GULP1: variants seen among roughly 807,000 people sequenced by gnomAD.
GULP1 encodes the protein GULP PTB domain containing engulfment adaptor 1.
A neutral mutation model predicts 40.9 loss-of-function variants in GULP1; 19 were observed. The ratio of observed to expected loss-of-function variants is 0.46; its 90% CI spans 0.32 to 0.68. GULP1 has a LOEUF of 0.68. Among genes scored for constraint, GULP1 ranks in the 30% least tolerant of loss-of-function variants. The probability of loss-of-function intolerance (pLI) is 0.03; values close to 1 mark genes in which losing one functional copy is unlikely to be tolerated. For missense variants in GULP1, 312 were observed against 362.2 expected (o/e 0.86, Z 1.12); for synonymous variants, 119 against 117.6 (o/e 1.01, Z -0.08).
chr2:188,387,962 G>T (rs951211566), intron 2 of GULP1, among the ~76,000 whole-genome samples: 2 of 151,706 alleles, frequency 1.3e-5, no homozygotes, highest in Non-Finnish European at 2.9e-5. Flanking sequence ...CATGTGCCAT[G>T]CTGGTGTGCT....
chr2:188,559,267 C>T (rs1378859245), intron 7 of GULP1, among the ~76,000 whole-genome samples: 1 of 152,180 alleles, frequency 6.6e-6, no homozygotes, highest in East Asian at 1.9e-4. Context: ...TAAAATGGGC[C>T]AGGGTAGAGC....
At chr2:188,577,926 T>C (rs1700483348) in intron 9 of GULP1, among the ~76,000 whole-genome samples, 1 of 152,024 alleles carries the variant, frequency 6.6e-6, no homozygotes, top group Non-Finnish European at 1.5e-5. Flanking sequence ...TTCTCCATCT[T>C]TAATGTTATT....
chr2:188,423,775 G>C (rs978396107), intron 2 of GULP1, among the ~76,000 whole-genome samples: 4 of 151,680 alleles, frequency 2.6e-5, no homozygotes, highest in African/African-American at 9.7e-5. Flanking sequence ...AAATTAGATA[G>C]AATTGAATTG....
chr2:188,460,078 A>C (rs1351320421), intron 2 of GULP1, among the ~76,000 whole-genome samples: 1 of 152,132 alleles, frequency 6.6e-6, no homozygotes, highest in Non-Finnish European at 1.5e-5. Context: ...AGGTAATATG[A>C]TTCCTCCATT....
chr2:188,546,368 C>T (rs967375209), intron 7 of GULP1, among the ~76,000 whole-genome samples: 7 of 151,872 alleles, frequency 4.6e-5, no homozygotes, highest in Non-Finnish European at 7.4e-5. Flanking sequence ...AATTATTTAA[C>T]GTTTCTCTGA....
At chr2:188,530,944 A>G (rs906407451) in intron 6 of GULP1, among the ~76,000 whole-genome samples, 13 of 152,248 alleles carry the variant, frequency 8.5e-5, no homozygotes, top group African/African-American at 3.1e-4. Context: ...TGACAAATTA[A>G]TTCAGTATAA....
At chr2:188,586,365 C>G (rs755111746) in intron 10 of GULP1, among the ~76,000 whole-genome samples, 5 of 152,110 alleles carry the variant, frequency 3.3e-5, no homozygotes, top group Non-Finnish European at 5.9e-5. Flanking sequence ...CCAAATCTTC[C>G]CTTTCATTAA....
intron 11 of GULP1, chr2:188,589,645 G>T: frequency 1.8e-6 from 1 of 562,330 alleles, no homozygotes; most frequent in South Asian, 3.1e-5. Context: ...GAGTGATGGT[G>T]ACACTCAATG....
chr2:188,589,547 G>A, intron 11 of GULP1: 1 of 376,626 alleles, frequency 2.7e-6, no homozygotes, highest in East Asian at 4.0e-5. Flanking sequence ...TCCCAAAATT[G>A]GAAAAAAAAT....
intron 1 of GULP1, among the ~76,000 whole-genome samples, chr2:188,366,258 C>T (rs2152409093): frequency 6.6e-6 from 1 of 151,964 alleles, no homozygotes; most frequent in Non-Finnish European, 1.5e-5. Context: ...CCCCAAACAC[C>T]CCATAAAAAC....
chr2:188,504,798 TA>T (rs2063749936), intron 4 of GULP1, among the ~76,000 whole-genome samples: 1 of 151,888 alleles, frequency 6.6e-6, no homozygotes, highest in Admixed American at 6.6e-5. Context: ...CAGTGAATCA[TA>T]AGTTAACTGG....
intron 2 of GULP1, among the ~76,000 whole-genome samples, chr2:188,406,834 A>G (rs2053182334): frequency 6.6e-6 from 1 of 152,144 alleles, no homozygotes; most frequent in South Asian, 2.1e-4. Flanking sequence ...ACTTATTTAA[A>G]GGAGAAGAAA....
At chr2:188,530,062 A>G (rs1186073497) in intron 6 of GULP1, among the ~76,000 whole-genome samples, 2 of 152,168 alleles carry the variant, frequency 1.3e-5, no homozygotes, top group Non-Finnish European at 2.9e-5. Flanking sequence ...TATACCTTAT[A>G]TGGATATGTA....
At chr2:188,385,029 G>T (rs1412021223) in intron 2 of GULP1, among the ~76,000 whole-genome samples, 1 of 152,124 alleles carries the variant, frequency 6.6e-6, no homozygotes, top group Non-Finnish European at 1.5e-5. Flanking sequence ...CCATTCTAGG[G>T]TCTGGAGGAT....
At chr2:188,298,870 A>C (rs559505880) in intron 1 of GULP1, among the ~76,000 whole-genome samples, 1 of 152,260 alleles carries the variant, frequency 6.6e-6, no homozygotes, top group East Asian at 1.9e-4. Flanking sequence ...TGAATATAGC[A>C]CTCAGGCAAA....
chr2:188,574,598 G>A (rs1296682341), intron 9 of GULP1, among the ~76,000 whole-genome samples: 8 of 152,098 alleles, frequency 5.3e-5, no homozygotes, highest in African/African-American at 1.4e-4. Flanking sequence ...GCAATGAGCC[G>A]TGATCATGCC....
At chr2:188,428,880 A>AGT (rs201966763) in intron 2 of GULP1, among the ~76,000 whole-genome samples, 3 of 151,892 alleles carry the variant, frequency 2.0e-5, no homozygotes, top group Non-Finnish European at 4.4e-5. Context: ...TTTAAAAAAA[A>AGT]GTGTGTTTTT....
At chr2:188,445,961 A>G (rs3924673) in intron 2 of GULP1, among the ~76,000 whole-genome samples, 18,820 of 152,146 alleles carry the variant, frequency 0.12, 1,341 homozygotes, top group Middle Eastern at 0.17. Context: ...AAACTCGTTT[A>G]TGATCACAGA....
At chr2:188,573,091 T>G (rs947663217) in intron 9 of GULP1, among the ~76,000 whole-genome samples, 1 of 152,198 alleles carries the variant, frequency 6.6e-6, no homozygotes, top group African/African-American at 2.4e-5. Context: ...TTGCTAAAAT[T>G]TAAATGTAAA....
Sources: gnomAD v4.1 joint callset for allele counts (sites outside exome capture counted in the v4.1 genomes callset) on GRCh38, gnomAD v4.1.1 for gene constraint, MANE v1.5 for transcripts, NCBI Gene and HGNC (gene_info 2026-07-23, HGNC 2026-07-21) for gene names.